KANK1: variants seen among roughly 807,000 people sequenced by gnomAD.
The protein encoded by KANK1 is KN motif and ankyrin repeat domains 1.
A neutral mutation model predicts 106.2 loss-of-function variants in KANK1; 109 were observed. That is an observed-to-expected ratio of 1.03 (90% confidence interval 0.88 to 1.20). The LOEUF (loss-of-function observed/expected upper bound fraction) is 1.20. Ranked by LOEUF, KANK1 falls within the 50% of genes most tolerant of loss-of-function variation. KANK1 has a pLI of 0.00. For missense variants in KANK1, 2,399 were observed against 1,710.7 expected (o/e 1.40, Z -7.10); for synonymous variants, 873 against 652.2 (o/e 1.34, Z -5.16).
chr9:744,891 C>A, intron 11 of KANK1: 1 of 1,412,810 alleles, frequency 7.1e-7, no homozygotes, highest in South Asian at 1.5e-5. Context: ...GGATATTTCG[C>A]CATGGTTCTG....
intron 1 of KANK1, among the ~76,000 whole-genome samples, chr9:595,038 T>A (rs963176756): frequency 6.6e-6 from 1 of 151,970 alleles, no homozygotes; most frequent in African/African-American, 2.4e-5. Context: ...AAAGAATTTT[T>A]AGAAAAGTTG....
intron 1 of KANK1, among the ~76,000 whole-genome samples, chr9:654,891 C>G (rs552404828): frequency 6.6e-6 from 1 of 151,828 alleles, no homozygotes; most frequent in African/African-American, 2.4e-5. Context: ...CTGCCAAGTT[C>G]AAGTTCCCTA....
chr9:637,642 C>T (rs1837461857), intron 1 of KANK1, among the ~76,000 whole-genome samples: 1 of 152,092 alleles, frequency 6.6e-6, no homozygotes, highest in African/African-American at 2.4e-5. Context: ...AACCACTGTC[C>T]TATGGGATCA....
intron 1 of KANK1, among the ~76,000 whole-genome samples, chr9:619,150 C>G (rs1359397918): frequency 1.3e-5 from 2 of 152,168 alleles, no homozygotes. Context: ...GTTCTGAATC[C>G]TCAGTTCTTG....
At chr9:662,027 C>T (rs1448000188) in intron 1 of KANK1, among the ~76,000 whole-genome samples, 1 of 151,978 alleles carries the variant, frequency 6.6e-6, no homozygotes, top group African/African-American at 2.4e-5. Flanking sequence ...GGATATTAGC[C>T]CTTTGTCAGA....
intron 1 of KANK1, among the ~76,000 whole-genome samples, chr9:516,238 A>G (rs2133044384): frequency 6.6e-6 from 1 of 151,740 alleles, no homozygotes; most frequent in East Asian, 1.9e-4. Context: ...GAGGCAGAAT[A>G]AGATTTCTCT....
chr9:587,341 A>G (rs990559526), intron 1 of KANK1, among the ~76,000 whole-genome samples: 22 of 152,208 alleles, frequency 1.4e-4, no homozygotes, highest in African/African-American at 5.1e-4. Context: ...ACTCTGAAGA[A>G]TAAAAGTGAA....
intron 2 of KANK1, among the ~76,000 whole-genome samples, chr9:703,967 G>A (rs1330489343): frequency 1.3e-5 from 2 of 152,158 alleles, no homozygotes; most frequent in Non-Finnish European, 2.9e-5. Flanking sequence ...GCCCACCTCG[G>A]CCTCCCAAAG....
At chr9:608,820 C>A (rs1244196090) in intron 1 of KANK1, among the ~76,000 whole-genome samples, 2 of 152,132 alleles carry the variant, frequency 1.3e-5, no homozygotes, top group Non-Finnish European at 2.9e-5. Context: ...CAGAGTGTTT[C>A]CAAGGGAGGT....
At chr9:528,676 C>T (rs563400473) in intron 1 of KANK1, among the ~76,000 whole-genome samples, 1 of 151,730 alleles carries the variant, frequency 6.6e-6, no homozygotes, top group East Asian at 1.9e-4. Context: ...TTAGTAGAGA[C>T]CTGGTTTCAC....
intron 1 of KANK1, among the ~76,000 whole-genome samples, chr9:578,518 T>A (rs1188922993): frequency 6.6e-6 from 1 of 152,128 alleles, no homozygotes; most frequent in Non-Finnish European, 1.5e-5. Flanking sequence ...ACAAAAATCT[T>A]AAAAACTAAA....
chr9:579,494 C>G (rs538460942), intron 1 of KANK1, among the ~76,000 whole-genome samples: 1 of 152,194 alleles, frequency 6.6e-6, no homozygotes. Context: ...CACTCCAGCT[C>G]TGTTGTGTCG....
upstream of KANK1, among the ~76,000 whole-genome samples, chr9:500,963 C>A (rs190022482): frequency 3.3e-5 from 5 of 152,074 alleles, no homozygotes; most frequent in African/African-American, 1.2e-4. Context: ...CTTTCTGTAC[C>A]CCAGCAGTTA....
At position 566,431 on chromosome 9, in the gene KANK1, C is replaced by T. The variant is rs76196375; in HGVS notation, c.-84+61677C>T. On this transcript the variant is annotated intron_variant, in intron 1 of 11. Coordinates refer to ENST00000382297, the MANE Select transcript of KANK1 (RefSeq NM_015158.5). ...TATTTTTAGAACTTTGAAGACTCAT[C>T]ACATTGTCTTCCACAGTGGTTGAAC... Among the ~76,000 whole-genome samples, 780 of 152,330 alleles carry T rather than the reference C, an allele frequency of 5.1e-3. 12 individuals carry two copies. The highest frequency in any genetic ancestry group is 0.017 in the African/African-American group (704 of 41,570).
intron 1 of KANK1, among the ~76,000 whole-genome samples, chr9:590,926 T>C (rs1478358793): frequency 6.6e-6 from 1 of 151,886 alleles, no homozygotes; most frequent in African/African-American, 2.4e-5. Context: ...CCTGGAAGAC[T>C]GAACCGATTT....
At chr9:531,867 G>T (rs1285392561) in intron 1 of KANK1, among the ~76,000 whole-genome samples, 2 of 152,200 alleles carry the variant, frequency 1.3e-5, no homozygotes, top group African/African-American at 4.8e-5. Flanking sequence ...TTGTGTGTGT[G>T]TGGGCCAGAT....
At chr9:657,547 TTTTGTTGTTG>T (rs1019383558) in intron 1 of KANK1, among the ~76,000 whole-genome samples, 1 of 152,102 alleles carries the variant, frequency 6.6e-6, no homozygotes, top group African/African-American at 2.4e-5. Flanking sequence ...TGCTTTGTTT[TTTTGTTGTTG>T]TTTGTTCTTG....
chr9:703,251 C>G (rs1200781482), intron 2 of KANK1, among the ~76,000 whole-genome samples: 1 of 152,098 alleles, frequency 6.6e-6, no homozygotes, highest in African/African-American at 2.4e-5. Context: ...CCTGGCCTCC[C>G]AAAGTGCTGG....
At chr9:558,565 G>A (rs529886828) in intron 1 of KANK1, among the ~76,000 whole-genome samples, 70 of 152,246 alleles carry the variant, frequency 4.6e-4, no homozygotes, top group Middle Eastern at 6.8e-3. Flanking sequence ...ATGAAGCTTA[G>A]CCAATGCGTC....
Sources: allele counts gnomAD v4.1 joint callset (sites outside exome capture counted in the v4.1 genomes callset), GRCh38; gene constraint gnomAD v4.1.1; transcripts MANE v1.5; gene names NCBI Gene and HGNC (gene_info 2026-07-23, HGNC 2026-07-21).